The following LRIG1 variants were observed in gnomAD, a reference collection of about 807,000 sequenced individuals.
The protein encoded by LRIG1 is leucine-rich repeats and immunoglobulin-like domains protein 1.
Under a neutral mutation model 99.2 loss-of-function variants are expected in LRIG1, and 48 were observed. The observed-to-expected ratio is 0.48, with a 90% CI of 0.38 to 0.62. The LOEUF is 0.62. Ranked by LOEUF, LRIG1 falls within the 20% of genes least tolerant of loss-of-function variation. LRIG1 has a pLI of 0.00. For missense variants in LRIG1, 1,646 were observed against 1,434.4 expected (o/e 1.15, Z -2.38); for synonymous variants, 772 against 596.1 (o/e 1.29, Z -4.30).
At chr3:66,388,005 G>A (rs1029915019) in intron 12 of LRIG1, 1 of 150,382 alleles carries the variant, frequency 6.6e-6, no homozygotes, top group African/African-American at 2.5e-5. Flanking sequence ...TACTAGGGAG[G>A]CCGAGGCAGG....
At chr3:66,493,521 G>C (rs543161331) in intron 1 of LRIG1, among the ~76,000 whole-genome samples, 2 of 152,174 alleles carry the variant, frequency 1.3e-5, no homozygotes, top group Non-Finnish European at 2.9e-5. Flanking sequence ...ATGGGAGAAG[G>C]CCGCTTCATA....
intron 1 of LRIG1, 78 bp downstream of exon 1, chr3:66,500,112 T>C (rs1701322077): frequency 1.7e-6 from 2 of 1,176,572 alleles, no homozygotes; most frequent in Non-Finnish European, 2.4e-6. Flanking sequence ...ACCCCCTCCC[T>C]GAGTACGAAC....
Position 66,386,271 on chromosome 3 carries a change from T to A in LRIG1, c.1499A>T (p.Gln500Leu). 6.2e-7 allele frequency: 1 copy of A among 1,614,102 alleles called. No individual in the cohort carries two copies. The highest frequency in any genetic ancestry group is 8.5e-7 in the Non-Finnish European group (1 of 1,180,002). ...CACCATAGCCATGGTGGTTTCTGGC[T>A]GGGTGATGATCTGTGGCTTCAGGAA... Reference protein sequence around the residue: ...DDFLKPQIITQPETTMAMVGK... With the variant: ...DDFLKPQIITLPETTMAMVGK... Residue 500 changes from glutamine to leucine, a missense_variant, in exon 13 of 19, where the codon CAG becomes CTG. Transcript: ENST00000273261.
intron 2 of LRIG1, among the ~76,000 whole-genome samples, chr3:66,452,736 G>C (rs1402758627): frequency 6.6e-6 from 1 of 151,914 alleles, no homozygotes; most frequent in Admixed American, 6.6e-5. Flanking sequence ...TTTTATAGAA[G>C]TGAATAGGAG....
At chr3:66,404,726 A>C (rs1391967338) in intron 9 of LRIG1, among the ~76,000 whole-genome samples, 3 of 152,172 alleles carry the variant, frequency 2.0e-5, no homozygotes, top group Non-Finnish European at 4.4e-5. Flanking sequence ...ACCCCAAACC[A>C]TACATTCAAA....
At chr3:66,448,637 C>T (rs1193266221) in intron 3 of LRIG1, among the ~76,000 whole-genome samples, 1 of 152,214 alleles carries the variant, frequency 6.6e-6, no homozygotes, top group East Asian at 1.9e-4. Context: ...GCAGGACCCA[C>T]ACCTAGCCCT....
intron 1 of LRIG1, among the ~76,000 whole-genome samples, chr3:66,495,140 G>A (rs573252927): frequency 1.5e-4 from 23 of 152,314 alleles, no homozygotes; most frequent in African/African-American, 5.1e-4. Context: ...AAGCCATGAG[G>A]TAGATAGAAT....
chr3:66,382,640 T>A (rs1445691165), intron 15 of LRIG1, among the ~76,000 whole-genome samples: 1 of 152,174 alleles, frequency 6.6e-6, no homozygotes, highest in Non-Finnish European at 1.5e-5. Flanking sequence ...AGACCAGTGA[T>A]GGAAAGCCGG....
Position 66,479,761 on chromosome 3 carries a change from C to A in LRIG1, c.219-17252G>T, listed in dbSNP as rs145718397. Among the ~76,000 whole-genome samples, 216 of 152,296 alleles carry A rather than the reference C, an allele frequency of 1.4e-3. 1 individual carries two copies. Among genetic ancestry groups the A allele is most frequent in the African/African-American group, 4.7e-3 (195 of 41,572 alleles). On this transcript the variant is annotated intron_variant, in intron 1 of 18. Transcript: ENST00000273261. ...AACACAAGATACCACAACACACCCA[C>A]TAGGATGGCTAAAATTTAAAAAGAC...
intron 9 of LRIG1, chr3:66,401,659 CTG>C (rs1223523788): frequency 6.5e-7 from 1 of 1,529,878 alleles, no homozygotes; most frequent in South Asian, 1.2e-5. Context: ...AGCCAGCAGA[CTG>C]GGATGGCTCT....
chr3:66,390,185 T>C (rs1454786208), intron 12 of LRIG1, among the ~76,000 whole-genome samples: 1 of 152,056 alleles, frequency 6.6e-6, no homozygotes, highest in Non-Finnish European at 1.5e-5. Context: ...AACTACCTTT[T>C]TGCAAATGAC....
chr3:66,485,540 G>A (rs1358655299), intron 1 of LRIG1, among the ~76,000 whole-genome samples: 1 of 152,198 alleles, frequency 6.6e-6, no homozygotes, highest in Non-Finnish European at 1.5e-5. Context: ...CGATTCATCA[G>A]TGAGATGATC....
chr3:66,416,234 CCA>C (rs1464460865), intron 4 of LRIG1, among the ~76,000 whole-genome samples: 2 of 152,142 alleles, frequency 1.3e-5, no homozygotes, highest in Non-Finnish European at 2.9e-5. Flanking sequence ...TTCACAAAAG[CCA>C]AGGCCTCCTG....
chr3:66,459,362 C>G (rs1559809831), intron 2 of LRIG1, among the ~76,000 whole-genome samples: 1 of 152,192 alleles, frequency 6.6e-6, no homozygotes, highest in Non-Finnish European at 1.5e-5. Flanking sequence ...CATGCCTGCC[C>G]CTGATAGATA....
chr3:66,380,949 G>T, intron 17 of LRIG1, 88 bp from the exon 18 acceptor site: 3 of 1,392,314 alleles, frequency 2.2e-6, no homozygotes, highest in Non-Finnish European at 3.0e-6. Flanking sequence ...GCTCCACTGT[G>T]CAAGGTGAGA....
chr3:66,384,540 G>A (rs1269646341), intron 13 of LRIG1, among the ~76,000 whole-genome samples: 2 of 152,104 alleles, frequency 1.3e-5, no homozygotes, highest in Admixed American at 6.5e-5. Context: ...ACTCTACATG[G>A]CAGTGCCTAT....
rs373183603 is a variant in LRIG1 at position 66,382,401 on chromosome 3, G to A, written c.2492-3C>T. The stretch of plus-strand genomic sequence containing the variant: ...ATCTGGTGGCACGACGGTTTCATCT[G>A]CAAGGAGACAGAACAAATAGAACAC... On this transcript the variant is annotated splice_polypyrimidine_tract_variant and splice_region_variant and intron_variant, in intron 15 of 18. Transcript: ENST00000273261. The A allele has an allele frequency of 8.1e-6, 13 of 1,614,112 alleles. No individual in the cohort carries two copies. Among genetic ancestry groups the A allele is most frequent in the South Asian group, 4.4e-5 (4 of 91,094 alleles).
At chr3:66,484,713 G>T (rs1170408095) in intron 1 of LRIG1, among the ~76,000 whole-genome samples, 3 of 152,108 alleles carry the variant, frequency 2.0e-5, no homozygotes, top group Non-Finnish European at 4.4e-5. Flanking sequence ...TAAACAATGG[G>T]ATTCATGTGC....
intron 3 of LRIG1, among the ~76,000 whole-genome samples, chr3:66,438,682 A>T (rs1021306781): frequency 6.6e-6 from 1 of 152,192 alleles, no homozygotes; most frequent in Non-Finnish European, 1.5e-5. Context: ...ACGTCCCGAC[A>T]AGAGGACGGT....
Sources: gnomAD v4.1 joint callset for allele counts (sites outside exome capture counted in the v4.1 genomes callset) on GRCh38, gnomAD v4.1.1 for gene constraint, MANE v1.5 for transcripts, NCBI Gene and HGNC (gene_info 2026-07-23, HGNC 2026-07-21) for gene names.